The following PTGFRN variants were observed in gnomAD, a reference collection of about 807,000 sequenced individuals.
The protein encoded by PTGFRN is prostaglandin F2 receptor inhibitor.
PTGFRN carries 35 observed loss-of-function variants against 83.2 expected under a neutral mutation model. That is an observed-to-expected ratio of 0.42 (90% confidence interval 0.32 to 0.56). PTGFRN has a LOEUF of 0.56. Among genes scored for constraint, PTGFRN ranks in the 20% least tolerant of loss-of-function variants. The probability of loss-of-function intolerance (pLI) is 0.11; values close to 1 mark genes in which losing one functional copy is unlikely to be tolerated. For synonymous variants in PTGFRN, 519 were observed against 498.6 expected, an observed-to-expected ratio of 1.04 and a Z score of -0.55; for missense variants, 1,051 against 1,179.5, an observed-to-expected ratio of 0.89 and a Z score of 1.60.
intron 1 of PTGFRN, among the ~76,000 whole-genome samples, chr1:116,938,039 A>T (rs1291719640): frequency 6.6e-6 from 1 of 152,166 alleles, no homozygotes; most frequent in African/African-American, 2.4e-5. Context: ...AGAAGATCTC[A>T]TTGGGAGATT....
chr1:116,983,714 AT>A (rs998634786), intron 7 of PTGFRN, among the ~76,000 whole-genome samples: 2 of 152,132 alleles, frequency 1.3e-5, no homozygotes, highest in Non-Finnish European at 2.9e-5. Flanking sequence ...CTATTAGTGT[AT>A]TTTTACTAAA....
intron 5 of PTGFRN, among the ~76,000 whole-genome samples, chr1:116,963,213 G>T (rs906045168): frequency 6.6e-6 from 1 of 152,192 alleles, no homozygotes. Flanking sequence ...GTGGGCTCTT[G>T]GCACTGCGTG....
At position 116,910,037 on chromosome 1, in the gene PTGFRN, C is replaced by G; in HGVS notation, c.-167C>G. 1.3e-6 allele frequency: 1 copy of G among 763,612 alleles called. No individual in the cohort carries two copies. The highest frequency in any genetic ancestry group is 2.2e-6 in the Non-Finnish European group (1 of 457,686). 47.3% of individuals were successfully genotyped at this position (763,612 alleles called of 1,614,324 possible). On this transcript the variant is annotated 5_prime_UTR_variant, in exon 1 of 9. Transcript: ENST00000393203. Reference sequence around the variant, plus strand: ...GAGGGAGCGAGCGGAGCCAGGGGCGCACGTACGCCCCAGCGCTGGGATTTA... The same window carrying G: ...GAGGGAGCGAGCGGAGCCAGGGGCGGACGTACGCCCCAGCGCTGGGATTTA...
intron 1 of PTGFRN, among the ~76,000 whole-genome samples, chr1:116,929,786 C>G (rs1201964667): frequency 6.6e-6 from 1 of 152,168 alleles, no homozygotes; most frequent in Non-Finnish European, 1.5e-5. Flanking sequence ...CCATGTGTCC[C>G]CAGTGCCTAG....
intron 6 of PTGFRN, among the ~76,000 whole-genome samples, chr1:116,968,326 T>C (rs188913858): frequency 6.6e-6 from 1 of 152,290 alleles, no homozygotes; most frequent in Admixed American, 6.5e-5. Flanking sequence ...TGATTAGCAT[T>C]TATATTAAAG....
At chr1:116,921,109 C>T (rs1649525785) in intron 1 of PTGFRN, among the ~76,000 whole-genome samples, 1 of 152,202 alleles carries the variant, frequency 6.6e-6, no homozygotes. Context: ...ATAGAAGAAA[C>T]TTATGTGTAT....
At chr1:116,964,874 G>T (rs1032826261) in intron 5 of PTGFRN, among the ~76,000 whole-genome samples, 1 of 152,212 alleles carries the variant, frequency 6.6e-6, no homozygotes, top group Non-Finnish European at 1.5e-5. Context: ...GCCATTTATG[G>T]CGCCACCCTT....
At chr1:116,972,557 T>TA (rs1220496076) in intron 6 of PTGFRN, among the ~76,000 whole-genome samples, 1 of 152,232 alleles carries the variant, frequency 6.6e-6, no homozygotes, top group Non-Finnish European at 1.5e-5. Context: ...TCTGCAAGTT[T>TA]AAAAAAGATA....
At chr1:116,974,716 A>T (rs1651095642) in intron 7 of PTGFRN, among the ~76,000 whole-genome samples, 1 of 152,240 alleles carries the variant, frequency 6.6e-6, no homozygotes, top group Non-Finnish European at 1.5e-5. Flanking sequence ...GGAATAGATG[A>T]GTGAACAAAA....
chr1:116,984,351 C>A (rs1651401937), intron 7 of PTGFRN, among the ~76,000 whole-genome samples: 1 of 152,064 alleles, frequency 6.6e-6, no homozygotes, highest in Non-Finnish European at 1.5e-5. Context: ...GTTTTTGGCC[C>A]TGACTCTTCT....
At chr1:116,978,067 A>G (rs912178713) in intron 7 of PTGFRN, among the ~76,000 whole-genome samples, 8 of 152,232 alleles carry the variant, frequency 5.3e-5, no homozygotes, top group Admixed American at 2.0e-4. Context: ...CAGAAATACA[A>G]ACTACCATCA....
intron 1 of PTGFRN, among the ~76,000 whole-genome samples, chr1:116,915,664 T>G (rs183772777): frequency 6.6e-6 from 1 of 152,156 alleles, no homozygotes; most frequent in African/African-American, 2.4e-5. Context: ...GAGCTGATTT[T>G]CCCCCCGTAG....
chr1:116,949,557 G>C lies in PTGFRN; in HGVS notation c.1198G>C (p.Gly400Arg). ...AEAVSSPAGVGVTWLEPDYQV... is the reference protein window; with the variant it reads ...AEAVSSPAGVRVTWLEPDYQV... Reference sequence around the variant, plus strand: ...GGCCGTGTCTTCCCCAGCTGGTGTGGGTGTGACCTGGCTAGGTGAGTGGTT... The same window carrying C: ...GGCCGTGTCTTCCCCAGCTGGTGTGCGTGTGACCTGGCTAGGTGAGTGGTT... The change falls in exon 4 of 9, where the codon GGT becomes CGT. Residue 400 changes from glycine (G) to arginine (R), a missense_variant. Coordinates refer to ENST00000393203, the MANE Select transcript of PTGFRN (RefSeq NM_020440.4). 6.2e-7 allele frequency: 1 copy of C among 1,613,022 alleles called. No homozygotes were observed. Among genetic ancestry groups the C allele is most frequent in the East Asian group, 2.2e-5 (1 of 44,890 alleles).
At chr1:116,947,796 T>G (rs1650238480) in intron 3 of PTGFRN, among the ~76,000 whole-genome samples, 1 of 152,192 alleles carries the variant, frequency 6.6e-6, no homozygotes, top group Admixed American at 6.5e-5. Flanking sequence ...GTTTCCATAC[T>G]TAGTCCTCAC....
rs1234107380 is a variant in PTGFRN, at chr1:116,961,963, C to T, written c.1639+295C>T. Among the ~76,000 whole-genome samples, 1 of 151,890 alleles carries T rather than the reference C, an allele frequency of 6.6e-6. No individual in the cohort carries two copies. The highest frequency in any genetic ancestry group is 1.5e-5 in the Non-Finnish European group (1 of 67,972). ...CTCTTTCTTGCATTAAACATGGTGA[C>T]TCTGAGGACACTCTTTCCCCTGGAG... On this transcript the variant is annotated intron_variant, in intron 5 of 8. Coordinates refer to ENST00000393203, the MANE Select transcript of PTGFRN (RefSeq NM_020440.4). The surrounding 1 kb of genome is among the most constrained non-coding windows in gnomAD (Gnocchi z 5.4).
At chr1:116,921,941 C>T (rs771650067) in intron 1 of PTGFRN, among the ~76,000 whole-genome samples, 7 of 152,036 alleles carry the variant, frequency 4.6e-5, no homozygotes, top group African/African-American at 9.7e-5. Flanking sequence ...GTGGGCAGTA[C>T]GGTTTCTCAG....
intron 5 of PTGFRN, chr1:116,962,288 C>G (rs1464783166): frequency 2.0e-5 from 3 of 152,360 alleles, no homozygotes; most frequent in African/African-American, 7.2e-5. Flanking sequence ...CTGCTCCCAT[C>G]TTGCTAACTT....
At chr1:116,972,902 G>T (rs115899292) in intron 6 of PTGFRN, among the ~76,000 whole-genome samples, 2,182 of 152,308 alleles carry the variant, frequency 0.014, 53 homozygotes, top group African/African-American at 0.05. Flanking sequence ...GACAAACCCA[G>T]TTTGGGTAGG....
At chr1:116,954,239 C>T (rs974365596) in intron 4 of PTGFRN, among the ~76,000 whole-genome samples, 1 of 152,120 alleles carries the variant, frequency 6.6e-6, no homozygotes, top group Non-Finnish European at 1.5e-5. Context: ...ATGGCTAGTG[C>T]TCCATCCATC....
Sources: allele counts gnomAD v4.1 joint callset (sites outside exome capture counted in the v4.1 genomes callset), GRCh38; gene constraint gnomAD v4.1.1; non-coding constraint Gnocchi (gnomAD v3.1); transcripts MANE v1.5; gene names NCBI Gene and HGNC (gene_info 2026-07-23, HGNC 2026-07-21).